Variants in DGCR6 observed in about 807,000 individuals in gnomAD.
DGCR6 encodes protein DGCR6.
At chr22:18,907,031 ACT>A in intron 2 of DGCR6, 1 of 144,322 alleles carries the variant, frequency 6.9e-6, no homozygotes, top group East Asian at 5.0e-5. Context: ...CGGCAGGCTG[ACT>A]CTGGTGGTAG....
chr22:18,908,667 T>A lies in DGCR6; in HGVS notation c.272-1505T>A, dbSNP rs1299126030. On this transcript the variant is annotated intron_variant, in intron 2 of 4. Transcript: ENST00000331444. The stretch of plus-strand genomic sequence containing the variant: ...CTTTAGATGCCGCCCCATCATTCTG[T>A]GAGCACTTTCTTGCTTTCTGGTTCA... The A allele has an allele frequency of 6.1e-6, 2 of 329,036 alleles. 1 individual carries two copies. The highest frequency in any genetic ancestry group is 1.4e-5 in the Non-Finnish European group (2 of 140,722). The allele number at this position is 329,036 out of a possible 1,614,324, so 20.4% of individuals were successfully genotyped here. A position where few individuals can be genotyped will look rare whatever the true frequency, so the allele number is the denominator to read the frequency against.
rs944677167 is a variant in DGCR6, at chr22:18,908,661, A to T, written c.272-1511A>T. 8 of 328,180 alleles carry T rather than the reference A, an allele frequency of 2.4e-5. 4 individuals are homozygous for T. The highest frequency in any genetic ancestry group is 2.2e-4 in the African/African-American group (8 of 35,656). 20.3% of individuals were successfully genotyped at this position (328,180 alleles called of 1,614,324 possible). A position where few individuals can be genotyped will look rare whatever the true frequency, so the allele number is the denominator to read the frequency against. On this transcript the variant is annotated intron_variant, in intron 2 of 4. Transcript: ENST00000331444. ...AGGCACCTTTAGATGCCGCCCCATC[A>T]TTCTGTGAGCACTTTCTTGCTTTCT...
chr22:18,909,148 G>A (rs59848718), intron 2 of DGCR6, among the ~76,000 whole-genome samples: 2,501 of 81,998 alleles, frequency 0.031, 507 homozygotes, highest in African/African-American at 0.091. Context: ...AAATACCATC[G>A]TCGAGGTGTG....
chr22:18,909,816 TG>T (rs2081901140), intron 2 of DGCR6, among the ~76,000 whole-genome samples: 2 of 75,046 alleles, frequency 2.7e-5, no homozygotes, highest in South Asian at 6.0e-4. Context: ...TTGCCTGAGG[TG>T]GTCTCCAACA....
intron 2 of DGCR6, among the ~76,000 whole-genome samples, chr22:18,909,212 C>T (rs2081899038): frequency 2.3e-5 from 2 of 85,616 alleles, no homozygotes; most frequent in South Asian, 2.7e-4. Flanking sequence ...CAGCTGGAGC[C>T]AGGCTACCTG....
At position 18,908,947 on chromosome 22, in the gene DGCR6, C is replaced by T. The variant is rs900530881; in HGVS notation, c.272-1225C>T. The stretch of plus-strand genomic sequence containing the variant: ...GCTGCTCCTGCCTCCTTTGTGTTCC[C>T]GGTCGTGTCTAAGGCCAGGCCCCTT... On this transcript the variant is annotated intron_variant, in intron 2 of 4. Coordinates refer to ENST00000331444, the MANE Select transcript of DGCR6 (RefSeq NM_005675.6). 4.0e-5 allele frequency among the ~76,000 whole-genome samples: 4 copies of T among 99,662 alleles called. 1 individual carries two copies. Among genetic ancestry groups the T allele is most frequent in the African/African-American group, 1.3e-4 (4 of 30,642 alleles). 65.4% of individuals were successfully genotyped at this position (99,662 alleles called of 152,430 possible). A position where few individuals can be genotyped will look rare whatever the true frequency, so the allele number is the denominator to read the frequency against.
At chr22:18,909,036 A>G (rs2081898447) in intron 2 of DGCR6, among the ~76,000 whole-genome samples, 1 of 103,704 alleles carries the variant, frequency 9.6e-6, no homozygotes, top group South Asian at 2.5e-4. Flanking sequence ...GGAATCTCGT[A>G]GTGGACCTGG....
At chr22:18,908,612 T>C (rs908189421) in intron 2 of DGCR6, 4 of 305,694 alleles carry the variant, frequency 1.3e-5, no homozygotes, top group African/African-American at 1.2e-4. Flanking sequence ...GACTGTGCCA[T>C]GTGTGGCCAG....
intron 2 of DGCR6, among the ~76,000 whole-genome samples, chr22:18,909,038 T>C (rs2035679818): frequency 9.6e-6 from 1 of 103,708 alleles, no homozygotes; most frequent in African/African-American, 3.1e-5. Context: ...AATCTCGTAG[T>C]GGACCTGGCA....
At chr22:18,908,952 G>A (rs1395140293) in intron 2 of DGCR6, among the ~76,000 whole-genome samples, 1 of 100,764 alleles carries the variant, frequency 9.9e-6, no homozygotes, top group Admixed American at 9.3e-5. Context: ...GTTCCCGGTC[G>A]TGTCTAAGGC....
intron 2 of DGCR6, chr22:18,906,979 C>A (rs112350217): frequency 1.7e-5 from 1 of 58,140 alleles, no homozygotes; most frequent in East Asian, 1.4e-4. Flanking sequence ...TGCCCCACCC[C>A]CTTCCAGGCC....
chr22:18,908,931 G>T, intron 2 of DGCR6, among the ~76,000 whole-genome samples: 1 of 97,886 alleles, frequency 1.0e-5, no homozygotes, highest in African/African-American at 3.3e-5. Context: ...GGCTGCTCCT[G>T]CCTCCTTTGT....
At position 18,909,660 on chromosome 22, in the gene DGCR6, T is replaced by C. The variant is rs1308891325; in HGVS notation, c.272-512T>C. On this transcript the variant is annotated intron_variant, in intron 2 of 4. Coordinates refer to ENST00000331444, the MANE Select transcript of DGCR6 (RefSeq NM_005675.6). Reference sequence around the variant, plus strand: ...TCACCCTTCTCCCTCTGGTGCTGTGTAGGGGCTGGGAGCTGCAAATGGGGG... The same window carrying C: ...TCACCCTTCTCCCTCTGGTGCTGTGCAGGGGCTGGGAGCTGCAAATGGGGG... 4.1e-5 allele frequency among the ~76,000 whole-genome samples: 3 copies of C among 72,912 alleles called. 1 individual carries two copies. Among genetic ancestry groups the C allele is most frequent in the Non-Finnish European group, 7.1e-5 (2 of 27,984 alleles). 47.8% of individuals were successfully genotyped at this position (72,912 alleles called of 152,430 possible). A position where few individuals can be genotyped will look rare whatever the true frequency, so the allele number is the denominator to read the frequency against.
At chr22:18,909,081 T>A (rs411726) in intron 2 of DGCR6, among the ~76,000 whole-genome samples, 61,514 of 86,016 alleles carry the variant, frequency 0.72, 27,748 homozygotes, top group East Asian at 0.86. Context: ...AGAGTGAAGA[T>A]GATGACATTT....
rs1218732196 is a variant in DGCR6 at position 18,909,697 on chromosome 22, C to T, written c.272-475C>T. Reference sequence around the variant, plus strand: ...GCTGCAAATGGGGGAGGGGGCTGCCCACCCTGAAGGGCAGCACCAAGGGTG... The same window carrying T: ...GCTGCAAATGGGGGAGGGGGCTGCCTACCCTGAAGGGCAGCACCAAGGGTG... On this transcript the variant is annotated intron_variant, in intron 2 of 4. Transcript: ENST00000331444. Among the ~76,000 whole-genome samples the T allele has an allele frequency of 2.4e-5, 2 of 84,078 alleles. 1 individual carries two copies. Among genetic ancestry groups the T allele is most frequent in the Non-Finnish European group, 6.3e-5 (2 of 31,882 alleles). 55.2% of individuals were successfully genotyped at this position (84,078 alleles called of 152,430 possible). A position where few individuals can be genotyped will look rare whatever the true frequency, so the allele number is the denominator to read the frequency against.
In DGCR6 at chr22:18,908,605, T is replaced by G. The variant is rs1349539401; in HGVS notation, c.272-1567T>G. The G allele has an allele frequency of 6.8e-6, 2 of 295,852 alleles. 1 individual carries two copies. The highest frequency in any genetic ancestry group is 1.6e-5 in the Non-Finnish European group (2 of 127,006). The allele number at this position is 295,852 out of a possible 1,614,324, so 18.3% of individuals were successfully genotyped here. On this transcript the variant is annotated intron_variant, in intron 2 of 4. Coordinates refer to ENST00000331444, the MANE Select transcript of DGCR6 (RefSeq NM_005675.6). ...GCTCATTATTCCTTAATGCTCAGACTGTGCCATGTGTGGCCAGTTGGGGGC... is the reference window on the plus strand; with the variant it reads ...GCTCATTATTCCTTAATGCTCAGACGGTGCCATGTGTGGCCAGTTGGGGGC...
chr22:18,909,552 AAGCCACACAGACTCCCTGGCCCAG>A, intron 2 of DGCR6, among the ~76,000 whole-genome samples: 1 of 48,212 alleles, frequency 2.1e-5, no homozygotes, highest in South Asian at 4.3e-4. Flanking sequence ...GAGCCCCTCA[AAGCCACACAGACTCCCTGGCCCAG>A]AGCCTCACAG....
chr22:18,909,248 T>C (rs563296013), intron 2 of DGCR6, among the ~76,000 whole-genome samples: 1 of 80,574 alleles, frequency 1.2e-5, no homozygotes, highest in African/African-American at 3.7e-5. Flanking sequence ...GGCCGTGGAG[T>C]TCCCTGGAGA....
At position 18,908,697 on chromosome 22, in the gene DGCR6, T is replaced by G. The variant is rs777527968; in HGVS notation, c.272-1475T>G. 1.2e-5 allele frequency: 4 copies of G among 326,922 alleles called. 1 individual carries two copies. The highest frequency in any genetic ancestry group is 1.2e-4 in the Admixed American group (4 of 33,730). 20.3% of individuals were successfully genotyped at this position (326,922 alleles called of 1,614,324 possible). A position where few individuals can be genotyped will look rare whatever the true frequency, so the allele number is the denominator to read the frequency against. ...ACTTTCTTGCTTTCTGGTTCAGGTA[T>G]GTGTTCAGGCTCATCTTTTCTTGTT... is the stretch of plus-strand genomic sequence containing the variant. On this transcript the variant is annotated intron_variant, in intron 2 of 4. Coordinates refer to ENST00000331444, the MANE Select transcript of DGCR6 (RefSeq NM_005675.6).
Sources: allele counts gnomAD v4.1 joint callset (sites outside exome capture counted in the v4.1 genomes callset), GRCh38; gene constraint gnomAD v4.1.1; transcripts MANE v1.5; gene names NCBI Gene and HGNC (gene_info 2026-07-23, HGNC 2026-07-21).